Variants in GRIP1 observed in about 807,000 individuals in gnomAD.
GRIP1 encodes the protein glutamate receptor interacting protein 1.
A neutral mutation model predicts 129.9 loss-of-function variants in GRIP1; 45 were observed. The observed-to-expected ratio is 0.35, with a 90% CI of 0.27 to 0.44. GRIP1 has a LOEUF of 0.44. GRIP1 is among the 20% of genes least tolerant of loss of function. The pLI is 1.00. For missense variants in GRIP1, 1,196 were observed against 1,396.8 expected (o/e 0.86, Z 2.29); for synonymous variants, 530 against 520.8 (o/e 1.02, Z -0.24).
intron 1 of GRIP1, among the ~76,000 whole-genome samples, chr12:66,621,906 C>CT (rs2065285065): frequency 6.6e-6 from 1 of 152,080 alleles, no homozygotes; most frequent in South Asian, 2.1e-4. Context: ...CGACAAAGGT[C>CT]TTTTCCAGTC....
At chr12:66,983,667 T>C (rs1454690825) in intron 1 of GRIP1, among the ~76,000 whole-genome samples, 2 of 152,222 alleles carry the variant, frequency 1.3e-5, no homozygotes, top group Non-Finnish European at 2.9e-5. Flanking sequence ...GATAGAGTTG[T>C]ATCTATGTTT....
intron 16 of GRIP1, among the ~76,000 whole-genome samples, chr12:66,397,017 A>G (rs1479186588): frequency 6.9e-6 from 1 of 145,340 alleles, no homozygotes; most frequent in Admixed American, 7.2e-5. Flanking sequence ...AGGCTGAAGC[A>G]GGAGAATCAC....
chr12:66,767,292 G>A (rs1348268885), intron 1 of GRIP1, among the ~76,000 whole-genome samples: 4 of 152,024 alleles, frequency 2.6e-5, no homozygotes, highest in East Asian at 1.9e-4. Context: ...CTTCTCTGAG[G>A]GATGAAGAGT....
intron 1 of GRIP1, among the ~76,000 whole-genome samples, chr12:67,036,236 T>C (rs926365223): frequency 1.3e-5 from 2 of 152,222 alleles, no homozygotes; most frequent in Admixed American, 6.6e-5. Flanking sequence ...TTTACTTTTA[T>C]GAGGGTAACC....
chr12:66,401,609 T>TATATATATAAACACACAC, intron 16 of GRIP1, among the ~76,000 whole-genome samples: 1 of 110,192 alleles, frequency 9.1e-6, no homozygotes, highest in African/African-American at 3.7e-5. Context: ...TATATATATA[T>TATATATATAAACACACAC]ACACACACAC....
At chr12:66,840,249 A>G (rs1409252588) in intron 1 of GRIP1, among the ~76,000 whole-genome samples, 1 of 152,210 alleles carries the variant, frequency 6.6e-6, no homozygotes, top group South Asian at 2.1e-4. Flanking sequence ...CAACTGAAGC[A>G]AACTTGAGGC....
At chr12:66,643,438 C>T (rs888208743) in intron 1 of GRIP1, among the ~76,000 whole-genome samples, 2 of 151,976 alleles carry the variant, frequency 1.3e-5, no homozygotes, top group African/African-American at 4.8e-5. Context: ...ATGATAGTCA[C>T]AAATATCAGT....
At chr12:66,961,240 G>C (rs577312812) in intron 1 of GRIP1, among the ~76,000 whole-genome samples, 1 of 152,144 alleles carries the variant, frequency 6.6e-6, no homozygotes, top group African/African-American at 2.4e-5. Context: ...AACAAAACAG[G>C]GAGGAACACC....
intron 16 of GRIP1, among the ~76,000 whole-genome samples, chr12:66,405,323 T>C (rs956106540): frequency 6.6e-6 from 1 of 152,200 alleles, no homozygotes; most frequent in Non-Finnish European, 1.5e-5. Context: ...AAATTGTAAA[T>C]TAAACGTTTA....
chr12:66,569,058 G>C (rs2062864028), intron 2 of GRIP1: 1 of 271,166 alleles, frequency 3.7e-6, no homozygotes, highest in Non-Finnish European at 7.3e-6. Context: ...ACACAGTGCA[G>C]TGTTTCATTG....
chr12:66,363,299 A>G (rs2054921976), intron 23 of GRIP1, among the ~76,000 whole-genome samples: 1 of 146,610 alleles, frequency 6.8e-6, no homozygotes, highest in Non-Finnish European at 1.5e-5. Flanking sequence ...GCTGGGGTAC[A>G]GTGGTGAGGT....
chr12:66,892,185 G>A (rs1372650353), intron 1 of GRIP1, among the ~76,000 whole-genome samples: 10 of 152,104 alleles, frequency 6.6e-5, no homozygotes, highest in African/African-American at 2.4e-4. Flanking sequence ...GACAGCTGGA[G>A]ACTCTGGCTC....
At chr12:66,888,435 C>A (rs151103254) in intron 1 of GRIP1, among the ~76,000 whole-genome samples, 2 of 152,330 alleles carry the variant, frequency 1.3e-5, no homozygotes, top group African/African-American at 4.8e-5. Flanking sequence ...TCTCAGCTCA[C>A]TGTAACCTCT....
chr12:67,006,672 C>A (rs1345166448), intron 1 of GRIP1, among the ~76,000 whole-genome samples: 2 of 152,222 alleles, frequency 1.3e-5, no homozygotes, highest in Non-Finnish European at 2.9e-5. Context: ...AGGCTACTGG[C>A]TGGCACAAAC....
At chr12:66,689,699 C>A (rs1232550766) in intron 1 of GRIP1, among the ~76,000 whole-genome samples, 1 of 151,998 alleles carries the variant, frequency 6.6e-6, no homozygotes, top group East Asian at 1.9e-4. Flanking sequence ...GATCTACTCT[C>A]TTACCAAATT....
chr12:66,364,675 G>T (rs1303091245), intron 23 of GRIP1, among the ~76,000 whole-genome samples: 1 of 152,132 alleles, frequency 6.6e-6, no homozygotes, highest in Non-Finnish European at 1.5e-5. Context: ...ATGTAAAAAT[G>T]CAGATTCACT....
intron 1 of GRIP1, among the ~76,000 whole-genome samples, chr12:66,887,009 C>T (rs1398078302): frequency 6.6e-6 from 1 of 152,200 alleles, no homozygotes; most frequent in East Asian, 1.9e-4. Context: ...CACCATCTCC[C>T]AGTATCACTC....
chr12:66,945,227 T>C (rs963662557), intron 1 of GRIP1, among the ~76,000 whole-genome samples: 11 of 152,176 alleles, frequency 7.2e-5, no homozygotes, highest in African/African-American at 2.7e-4. Context: ...AGGTAAATTG[T>C]GTGTCGTGGC....
At chr12:66,404,869 T>C (rs1469332324) in intron 16 of GRIP1, among the ~76,000 whole-genome samples, 1 of 152,004 alleles carries the variant, frequency 6.6e-6, no homozygotes, top group African/African-American at 2.4e-5. Flanking sequence ...CCATCTCTAC[T>C]AAAAATACAA....
Sources: gnomAD v4.1 joint callset for allele counts (sites outside exome capture counted in the v4.1 genomes callset) on GRCh38, gnomAD v4.1.1 for gene constraint, MANE v1.5 for transcripts, NCBI Gene and HGNC (gene_info 2026-07-23, HGNC 2026-07-21) for gene names.